Variants in DRGX observed in about 807,000 individuals in gnomAD.
DRGX encodes the protein dorsal root ganglia homeobox, also known as dorsal root ganglia homeobox protein.
A neutral mutation model predicts 28.6 loss-of-function variants in DRGX; 21 were observed. The observed-to-expected ratio is 0.73, with a 90% CI of 0.52 to 1.06. The LOEUF (loss-of-function observed/expected upper bound fraction) is 1.06. Among genes scored for constraint, DRGX ranks in the 50% least tolerant of loss-of-function variants. The probability of loss-of-function intolerance (pLI) is 0.00; values close to 1 mark genes in which losing one functional copy is unlikely to be tolerated. For missense variants in DRGX, 354 were observed against 343.9 expected, an observed-to-expected ratio of 1.03 and a Z score of -0.23; for synonymous variants, 136 against 139.1, an observed-to-expected ratio of 0.98 and a Z score of 0.16.
chr10:49,376,808 A>G (rs1487044475), intron 6 of DRGX, among the ~76,000 whole-genome samples: 1 of 152,100 alleles, frequency 6.6e-6, no homozygotes, highest in East Asian at 1.9e-4. Context: ...CAGCTCAAGC[A>G]TCTTCTCTGG....
chr10:49,376,966 G>C (rs887578376), intron 6 of DRGX, among the ~76,000 whole-genome samples: 2 of 152,166 alleles, frequency 1.3e-5, no homozygotes, highest in African/African-American at 4.8e-5. Context: ...CCACCCCCTA[G>C]CCCTCCAGAT....
At chr10:49,372,149 A>G (rs1323097631) in intron 6 of DRGX, among the ~76,000 whole-genome samples, 1 of 152,216 alleles carries the variant, frequency 6.6e-6, no homozygotes, top group Non-Finnish European at 1.5e-5. Context: ...AGGGCTTTGA[A>G]AACTGCACCA....
intron 2 of DRGX, among the ~76,000 whole-genome samples, chr10:49,394,461 T>C (rs1849943874): frequency 6.6e-6 from 1 of 152,128 alleles, no homozygotes; most frequent in Non-Finnish European, 1.5e-5. Flanking sequence ...AACGAGTAGG[T>C]TGCCAAATGC....
intron 4 of DRGX, among the ~76,000 whole-genome samples, chr10:49,388,004 C>T (rs1564709159): frequency 6.6e-6 from 1 of 152,206 alleles, no homozygotes; most frequent in Non-Finnish European, 1.5e-5. Context: ...ACACCGAGCA[C>T]AGGGCCTGAT....
chr10:49,382,620 G>T (rs1849788912), intron 6 of DRGX, among the ~76,000 whole-genome samples: 1 of 152,196 alleles, frequency 6.6e-6, no homozygotes, highest in Non-Finnish European at 1.5e-5. Flanking sequence ...AGAAGGAGAA[G>T]ACTGGGCTGC....
Position 49,366,024 on chromosome 10 carries a change from T to C in DRGX, c.*92A>G. 7.0e-7 allele frequency: 1 copy of C among 1,435,896 alleles called. No homozygotes were observed. The highest frequency in any genetic ancestry group is 9.2e-7 in the Non-Finnish European group (1 of 1,090,442). The allele number at this position is 1,435,896 out of a possible 1,614,324, so 88.9% of individuals were successfully genotyped here. ...ATGCAGAGGCCCTGGGGCCGCAGGC[T>C]TCTCCTTGCTATTTGGAGAGTTTTC... is the stretch of plus-strand genomic sequence containing the variant. On this transcript the variant is annotated 3_prime_UTR_variant, in exon 7 of 7. Transcript: ENST00000374139.
intron 6 of DRGX, among the ~76,000 whole-genome samples, chr10:49,378,825 C>CA (rs1304107173): frequency 1.8e-4 from 27 of 151,844 alleles, no homozygotes; most frequent in Non-Finnish European, 2.6e-4. Context: ...AACTCAGACA[C>CA]AAAAAAATAC....
intron 6 of DRGX, among the ~76,000 whole-genome samples, chr10:49,380,996 C>T (rs928606007): frequency 3.9e-5 from 6 of 152,192 alleles, no homozygotes; most frequent in African/African-American, 1.4e-4. Flanking sequence ...ATCAAGATCC[C>T]CATTCTGCAG....
intron 2 of DRGX, 138 bp downstream of exon 2, chr10:49,395,269 G>A: frequency 9.6e-7 from 1 of 1,043,936 alleles, no homozygotes; most frequent in East Asian, 2.6e-5. Context: ...GAGGGGTCCA[G>A]GGAGGCCCCT....
intron 6 of DRGX, among the ~76,000 whole-genome samples, chr10:49,378,166 A>G (rs1176640167): frequency 1.3e-5 from 2 of 152,196 alleles, no homozygotes; most frequent in African/African-American, 4.8e-5. Context: ...AATATTCATT[A>G]ATATTAGTAA....
Position 49,365,355 on chromosome 10 carries a change from G to C in DRGX, c.*761C>G, listed in dbSNP as rs1170869721. ...ACAGGTCTATCTGGGAGAGAGGAAG[G>C]GCTTGCAGGTGAGTGCTTCAGGTAC... On this transcript the variant is annotated 3_prime_UTR_variant, in exon 7 of 7. Coordinates refer to ENST00000374139, the MANE Select transcript of DRGX (RefSeq NM_001276451.2). The C allele has an allele frequency of 2.0e-5, 3 of 152,286 alleles. No homozygotes were observed. Among genetic ancestry groups the C allele is most frequent in the Non-Finnish European group, 4.4e-5 (3 of 68,120 alleles). 9.4% of individuals were successfully genotyped at this position (152,286 alleles called of 1,614,324 possible).
chr10:49,384,492 C>A (rs999273069), intron 6 of DRGX, among the ~76,000 whole-genome samples: 5 of 152,182 alleles, frequency 3.3e-5, no homozygotes, highest in Admixed American at 2.0e-4. Context: ...AGAAAGGCAG[C>A]AACAGAGAAA....
intron 6 of DRGX, among the ~76,000 whole-genome samples, chr10:49,366,626 C>A (rs56916220): frequency 6.6e-6 from 1 of 152,384 alleles, no homozygotes; most frequent in South Asian, 2.1e-4. Flanking sequence ...TGCCAAGCAG[C>A]TGTGTGGCCT....
At chr10:49,380,136 T>A (rs1849758968) in intron 6 of DRGX, among the ~76,000 whole-genome samples, 1 of 152,218 alleles carries the variant, frequency 6.6e-6, no homozygotes, top group African/African-American at 2.4e-5. Flanking sequence ...GTGCCGCCAC[T>A]TGGCAGGCTG....
rs1384783835 is a variant in DRGX at position 49,386,562 on chromosome 10, G to C, written c.442C>G (p.Pro148Ala). Residue 148 changes from proline to alanine, a missense_variant, in exon 6 of 7, where the codon CCT (proline) becomes GCT (alanine). Pro to Ala is a conservative substitution (Grantham distance 27). Transcript: ENST00000374139. ...CCCGGCAAGCAGGAGGGGAAGAAAG[G>C]CCCTGCAGGACCTACCGTTCGCCCC... ...SLGRTVGPAG[P>A]FFPSCLPGTL... 6.3e-7 allele frequency: 1 copy of C among 1,591,120 alleles called. No individual in the cohort carries two copies. The highest frequency in any genetic ancestry group is 8.6e-7 in the Non-Finnish European group (1 of 1,168,740).
At position 49,392,610 on chromosome 10, in the gene DRGX, T is replaced by C. The variant is rs527672235; in HGVS notation, c.35-1349A>G. 3.4e-4 allele frequency among the ~76,000 whole-genome samples: 52 copies of C among 152,250 alleles called. 3 individuals carry two copies. Among genetic ancestry groups the C allele is most frequent in the Admixed American group, 4.6e-4 (7 of 15,286 alleles). On this transcript the variant is annotated intron_variant, in intron 2 of 6. Transcript: ENST00000374139. ...AATCTCTGAGGATCTCCAATCACAATTTCGCTCAGTCTTCTAATTTATACA... is the reference window on the plus strand; with the variant it reads ...AATCTCTGAGGATCTCCAATCACAACTTCGCTCAGTCTTCTAATTTATACA...
intron 6 of DRGX, among the ~76,000 whole-genome samples, chr10:49,380,110 G>A (rs1174997916): frequency 6.6e-6 from 1 of 152,212 alleles, no homozygotes; most frequent in African/African-American, 2.4e-5. Context: ...CCTCCCACCT[G>A]GGAAGGTCAG....
rs890193240 is a variant in DRGX, at chr10:49,378,811, G to A, written c.526+7667C>T. Among the ~76,000 whole-genome samples, 7 of 152,052 alleles carry A rather than the reference G, an allele frequency of 4.6e-5. No homozygotes were observed. In the South Asian group the frequency reaches 8.3e-4, roughly 18 times the overall value. On this transcript the variant is annotated intron_variant, in intron 6 of 6. Coordinates refer to ENST00000374139, the MANE Select transcript of DRGX (RefSeq NM_001276451.2). ...AATCTTGTAAACATAGTGCTGAGCC[G>A]AAGAACTCAGACACAAAAAAATACA... is the stretch of plus-strand genomic sequence containing the variant.
intron 6 of DRGX, among the ~76,000 whole-genome samples, chr10:49,367,675 C>T (rs757563488): frequency 1.6e-4 from 25 of 152,170 alleles, no homozygotes; most frequent in South Asian, 4.1e-4. Flanking sequence ...ATGGAAAATA[C>T]GAAGAGGGAA....
Sources: gnomAD v4.1 joint callset for allele counts (sites outside exome capture counted in the v4.1 genomes callset) on GRCh38, gnomAD v4.1.1 for gene constraint, MANE v1.5 for transcripts, NCBI Gene and HGNC (gene_info 2026-07-23, HGNC 2026-07-21) for gene names.